The following BCL7C variants were observed in gnomAD, a reference collection of about 807,000 sequenced individuals.
The protein encoded by BCL7C is B-cell CLL/lymphoma 7 protein family member C.
BCL7C carries 8 observed loss-of-function variants against 26.2 expected under a neutral mutation model. The ratio of observed to expected loss-of-function variants is 0.30; its 90% confidence interval spans 0.18 to 0.55. BCL7C has a LOEUF of 0.55. Among genes scored for constraint, BCL7C ranks in the 20% least tolerant of loss-of-function variants. The pLI is 0.93. For synonymous variants in BCL7C, 90 were observed against 116.5 expected (o/e 0.77, Z 1.47); for missense variants, 262 against 298.5 (o/e 0.88, Z 0.90).
At chr16:30,849,342 CTGATGGAT>C (rs2054656284) in intron 5 of BCL7C, among the ~76,000 whole-genome samples, 1 of 151,912 alleles carries the variant, frequency 6.6e-6, no homozygotes, top group Admixed American at 6.6e-5. Flanking sequence ...TTATGGCTTC[CTGATGGAT>C]TGACCCCTTT....
At chr16:30,864,832 T>TC (rs1265117396) in intron 5 of BCL7C, among the ~76,000 whole-genome samples, 1 of 137,248 alleles carries the variant, frequency 7.3e-6, no homozygotes. Flanking sequence ...CGATATATTC[T>TC]CCCCCCCACC....
In BCL7C at chr16:30,893,340, C is replaced by T. The variant is rs751012085; in HGVS notation, c.93-50G>A. Reference sequence around the variant, plus strand: ...CAGAGAGGCCTGAGGGGAGACCCACCCCCCTAGGAGCTGGACACATCTGGG... The same window carrying T: ...CAGAGAGGCCTGAGGGGAGACCCACTCCCCTAGGAGCTGGACACATCTGGG... On this transcript the variant is annotated intron_variant, in intron 1 of 5. Coordinates refer to ENST00000215115, the MANE Select transcript of BCL7C (RefSeq NM_004765.4). This position sits in a 1 kb window ranked among gnomAD's most constrained non-coding sequence, Gnocchi z 5.2. 3 of 1,510,488 alleles carry T rather than the reference C, an allele frequency of 2.0e-6. No homozygotes were observed. Among genetic ancestry groups the T allele is most frequent in the South Asian group, 2.3e-5 (2 of 86,618 alleles). The allele number at this position is 1,510,488 out of a possible 1,614,324, so 93.6% of individuals were successfully genotyped here.
intron 5 of BCL7C, chr16:30,851,746 C>T (rs556343378): frequency 3.9e-5 from 21 of 538,318 alleles, no homozygotes; most frequent in African/African-American, 9.5e-5. Flanking sequence ...AAACAGTGAC[C>T]GTGACCTTTT....
chr16:30,836,693 C>G (rs2054571512), intron 5 of BCL7C, among the ~76,000 whole-genome samples: 1 of 151,742 alleles, frequency 6.6e-6, no homozygotes, highest in Non-Finnish European at 1.5e-5. Context: ...TCAGGCTGGT[C>G]TTGAATTTCT....
chr16:30,851,090 G>A (rs1276489018), intron 5 of BCL7C, among the ~76,000 whole-genome samples: 2 of 152,060 alleles, frequency 1.3e-5, no homozygotes, highest in East Asian at 1.9e-4. Context: ...TCTGTGCTTC[G>A]GGATTCAGCG....
chr16:30,886,970 C>G (rs987224340), downstream of BCL7C, among the ~76,000 whole-genome samples: 7 of 152,088 alleles, frequency 4.6e-5, no homozygotes, highest in Non-Finnish European at 1.0e-4. Flanking sequence ...CCCAGGAGTT[C>G]AAGACCAGCC....
intron 5 of BCL7C, among the ~76,000 whole-genome samples, chr16:30,835,899 C>G (rs1284404137): frequency 2.6e-5 from 4 of 151,920 alleles, no homozygotes; most frequent in Non-Finnish European, 1.5e-5. Flanking sequence ...AGCCTGTTAT[C>G]CCAGCACTTT....
At chr16:30,866,768 G>C (rs1253173607) in intron 5 of BCL7C, among the ~76,000 whole-genome samples, 5 of 152,124 alleles carry the variant, frequency 3.3e-5, no homozygotes, top group Non-Finnish European at 7.3e-5. Flanking sequence ...ATAAGTCAGA[G>C]GTTTGCTGGG....
In BCL7C at chr16:30,877,588, C is replaced by T. The variant is rs999425827; in HGVS notation, c.528+11272G>A. Among the ~76,000 whole-genome samples the T allele has an allele frequency of 4.6e-5, 7 of 151,814 alleles. No homozygotes were observed. In the South Asian group the frequency reaches 1.0e-3, roughly 23 times the overall value. On this transcript the variant is annotated intron_variant, in intron 5 of 5. Coordinates refer to the BCL7C transcript ENST00000380317. ...CCGAGTAGCTGGGACTACAGGCACC[C>T]GCCACCGCGCCCAGCTAATTTGTTG...
chr16:30,853,295 C>T (rs1394950809), intron 5 of BCL7C, among the ~76,000 whole-genome samples: 2 of 152,110 alleles, frequency 1.3e-5, no homozygotes, highest in Non-Finnish European at 2.9e-5. Flanking sequence ...TTGTTAAAAA[C>T]TAAGACACAC....
At chr16:30,886,978 G>A (rs2055142844), downstream of BCL7C, among the ~76,000 whole-genome samples, 1 of 152,184 alleles carries the variant, frequency 6.6e-6, no homozygotes, top group Non-Finnish European at 1.5e-5. Flanking sequence ...TTCAAGACCA[G>A]CCTGGGCAAT....
chr16:30,845,920 C>T (rs1285519910), intron 5 of BCL7C, among the ~76,000 whole-genome samples: 4 of 151,634 alleles, frequency 2.6e-5, no homozygotes, highest in South Asian at 2.1e-4. Context: ...GCCTGGCCAA[C>T]GTGGTGAAAC....
chr16:30,865,317 C>A (rs2054815987), intron 5 of BCL7C, among the ~76,000 whole-genome samples: 1 of 152,088 alleles, frequency 6.6e-6, no homozygotes, highest in African/African-American at 2.4e-5. Flanking sequence ...CCCACCTGCA[C>A]CCAGGTGAAA....
chr16:30,856,700 G>A (rs1336144615), intron 5 of BCL7C, among the ~76,000 whole-genome samples: 1 of 152,128 alleles, frequency 6.6e-6, no homozygotes, highest in Non-Finnish European at 1.5e-5. Flanking sequence ...CAGCTTTTCC[G>A]AGGGGCTCTA....
At chr16:30,870,472 G>C (rs1459023328) in intron 5 of BCL7C, among the ~76,000 whole-genome samples, 2 of 151,964 alleles carry the variant, frequency 1.3e-5, no homozygotes, top group Non-Finnish European at 2.9e-5. Context: ...TGAGACCAGT[G>C]TGGCCAACAT....
intron 5 of BCL7C, among the ~76,000 whole-genome samples, chr16:30,869,638 T>C (rs1398049790): frequency 2.0e-5 from 3 of 151,930 alleles, no homozygotes; most frequent in Admixed American, 6.6e-5. Context: ...TCGCCTGCAG[T>C]GTAGCTGGGA....
chr16:30,884,042 G>A (rs554348810), downstream of BCL7C, among the ~76,000 whole-genome samples: 16 of 150,908 alleles, frequency 1.1e-4, no homozygotes, highest in Non-Finnish European at 1.9e-4. Context: ...GGAGAATGGC[G>A]TGAACCTGGG....
At chr16:30,848,578 T>C (rs963033654) in intron 5 of BCL7C, among the ~76,000 whole-genome samples, 3 of 152,118 alleles carry the variant, frequency 2.0e-5, no homozygotes, top group African/African-American at 7.2e-5. Context: ...TGATCATCTG[T>C]TCTATCCATT....
intron 5 of BCL7C, among the ~76,000 whole-genome samples, chr16:30,867,498 C>A (rs564337584): frequency 6.6e-6 from 1 of 152,068 alleles, no homozygotes; most frequent in Non-Finnish European, 1.5e-5. Flanking sequence ...CAGGGGGGCA[C>A]AATGTAATCA....
Sources: allele counts gnomAD v4.1 joint callset (sites outside exome capture counted in the v4.1 genomes callset), GRCh38; gene constraint gnomAD v4.1.1; non-coding constraint Gnocchi (gnomAD v3.1); transcripts MANE v1.5; gene names NCBI Gene and HGNC (gene_info 2026-07-23, HGNC 2026-07-21).